Variants in FRMPD2 observed in about 807,000 individuals in gnomAD.
The protein encoded by FRMPD2 is FERM and PDZ domain-containing protein 2.
In FRMPD2, 96 loss-of-function variants were observed where a neutral mutation model predicts 140.1. The ratio of observed to expected loss-of-function variants is 0.69; its 90% CI spans 0.58 to 0.81. FRMPD2 has a LOEUF of 0.81. FRMPD2 is among the 40% of genes least tolerant of loss of function. The probability of loss-of-function intolerance (pLI) is 0.00; values close to 1 mark genes in which losing one functional copy is unlikely to be tolerated. For synonymous variants in FRMPD2, 449 were observed against 547.6 expected, an observed-to-expected ratio of 0.82 and a Z score of 2.52; for missense variants, 1,240 against 1,447.4, an observed-to-expected ratio of 0.86 and a Z score of 2.32.
chr10:48,191,234 G>A (rs553491994), intron 16 of FRMPD2, among the ~76,000 whole-genome samples: 56 of 152,260 alleles, frequency 3.7e-4, no homozygotes, highest in African/African-American at 1.3e-3. Flanking sequence ...GAGGGGCTCC[G>A]TGAGCACTGC....
intron 15 of FRMPD2, among the ~76,000 whole-genome samples, chr10:48,194,827 C>A (rs1330007910): frequency 1.3e-5 from 2 of 152,104 alleles, no homozygotes; most frequent in African/African-American, 4.8e-5. Flanking sequence ...GCCTCAGCTT[C>A]ATGGGGCTGA....
At chr10:48,256,610 A>G (rs554427507) in intron 1 of FRMPD2, among the ~76,000 whole-genome samples, 2 of 152,264 alleles carry the variant, frequency 1.3e-5, no homozygotes, top group Admixed American at 6.5e-5. Flanking sequence ...CAGAGGTTGG[A>G]CCAAGGTCTC....
chr10:48,252,382 C>T (rs1478613701), intron 1 of FRMPD2, among the ~76,000 whole-genome samples: 3 of 152,190 alleles, frequency 2.0e-5, no homozygotes, highest in African/African-American at 7.2e-5. Flanking sequence ...ACCCACTAAT[C>T]TCCAGAGACC....
chr10:48,202,606 A>C (rs1839112465), intron 14 of FRMPD2, among the ~76,000 whole-genome samples: 1 of 152,184 alleles, frequency 6.6e-6, no homozygotes, highest in Non-Finnish European at 1.5e-5. Context: ...GTGTTGTCTC[A>C]AGCATTCATA....
chr10:48,206,494 T>C (rs1270899751), intron 14 of FRMPD2, among the ~76,000 whole-genome samples: 1 of 152,146 alleles, frequency 6.6e-6, no homozygotes, highest in Non-Finnish European at 1.5e-5. Context: ...CCAATGGCTG[T>C]TCATGGGGAT....
chr10:48,237,291 A>C (rs1416888370), intron 8 of FRMPD2, among the ~76,000 whole-genome samples: 2 of 152,190 alleles, frequency 1.3e-5, no homozygotes, highest in East Asian at 3.9e-4. Context: ...AGAGTTCCCA[A>C]TAGAAGTATC....
intron 5 of FRMPD2, among the ~76,000 whole-genome samples, chr10:48,241,558 A>G (rs1329357235): frequency 6.6e-6 from 1 of 152,168 alleles, no homozygotes; most frequent in Non-Finnish European, 1.5e-5. Context: ...CCCCTCTCCC[A>G]GGAACATTTC....
intron 4 of FRMPD2, among the ~76,000 whole-genome samples, chr10:48,243,611 C>T (rs929980526): frequency 6.6e-6 from 1 of 152,196 alleles, no homozygotes; most frequent in Non-Finnish European, 1.5e-5. Context: ...CAAAGGGGAA[C>T]CAGACGGGAG....
chr10:48,207,011 C>G, intron 13 of FRMPD2, 78 bp from the exon 14 acceptor site: 1 of 1,279,252 alleles, frequency 7.8e-7, no homozygotes, highest in East Asian at 2.4e-5. Flanking sequence ...TCACTCCATG[C>G]AAAACACACT....
chr10:48,255,574 C>A (rs994773358), intron 1 of FRMPD2, among the ~76,000 whole-genome samples: 2 of 152,098 alleles, frequency 1.3e-5, no homozygotes, highest in Non-Finnish European at 2.9e-5. Flanking sequence ...AACAACCTAC[C>A]CTGAGAGTCA....
At chr10:48,168,106 T>A (rs1838147372) in intron 27 of FRMPD2, among the ~76,000 whole-genome samples, 2 of 147,070 alleles carry the variant, frequency 1.4e-5, no homozygotes, top group Non-Finnish European at 2.9e-5. Context: ...CTGTTCTATT[T>A]CTCTGAGAAC....
intron 28 of FRMPD2, chr10:48,159,253 T>C: frequency 2.2e-6 from 1 of 455,480 alleles, no homozygotes; most frequent in Non-Finnish European, 4.4e-6. Context: ...GACATCAAAG[T>C]AAACAAGTTC....
At chr10:48,177,401 G>A (rs1319699823) in intron 22 of FRMPD2, 10 of 151,244 alleles carry the variant, frequency 6.6e-5, no homozygotes, top group Admixed American at 5.3e-4. Flanking sequence ...ATGAGCCACC[G>A]AGCCCAGCCT....
At position 48,242,118 on chromosome 10, in the gene FRMPD2, A is replaced by G. The variant is rs753336631; in HGVS notation, c.567+43T>C. ...CTAATTCAAATTTTAATAGCCACAC[A>G]TGACCAGCAGCTACTGCTTGAAAAG... On this transcript the variant is annotated intron_variant, in intron 5 of 28. Transcript: ENST00000374201. The G allele has an allele frequency of 1.2e-5, 17 of 1,395,612 alleles. No homozygotes were observed. The East Asian group carries it at 3.7e-4, about 30-fold the overall frequency. The allele number at this position is 1,395,612 out of a possible 1,614,324, so 86.5% of individuals were successfully genotyped here. A position where few individuals can be genotyped will look rare whatever the true frequency, so the allele number is the denominator to read the frequency against.
In FRMPD2 at chr10:48,223,170, T is replaced by C. The variant is rs1385795442; in HGVS notation, c.1269A>G (p.Thr423=). ...CAAAGAACTTTATCCTCAGGAAGAG[T>C]GTGAAGGTATTCATGGAGGTCTTCT... ...QPQKTSMNTF[T]LFLRIKFFVS... The change falls in exon 11 of 29, where the codon ACA becomes ACG. Residue 423 remains threonine (T), a synonymous_variant. Transcript: ENST00000374201. The C allele has an allele frequency of 1.2e-6, 2 of 1,613,918 alleles. No homozygotes were observed. The highest frequency in any genetic ancestry group is 1.3e-5 in the African/African-American group (1 of 74,970).
chr10:48,258,721 C>T (rs890576509), intron 1 of FRMPD2, among the ~76,000 whole-genome samples: 14 of 152,160 alleles, frequency 9.2e-5, no homozygotes, highest in Non-Finnish European at 1.6e-4. Flanking sequence ...TTTTACATCC[C>T]GTTTTCCCAG....
chr10:48,201,865 G>T (rs1588826600), intron 14 of FRMPD2, among the ~76,000 whole-genome samples: 1 of 152,044 alleles, frequency 6.6e-6, no homozygotes, highest in East Asian at 1.9e-4. Context: ...TGCTTTATGA[G>T]TATGAATTTA....
intron 10 of FRMPD2, among the ~76,000 whole-genome samples, chr10:48,230,067 T>A (rs1461580095): frequency 6.6e-6 from 1 of 152,168 alleles, no homozygotes; most frequent in Non-Finnish European, 1.5e-5. Flanking sequence ...GAATAATGGG[T>A]TTTTATAATT....
Position 48,237,984 on chromosome 10 carries a change from T to G in FRMPD2, c.921+7A>C, listed in dbSNP as rs1318971619. Reference sequence around the variant, plus strand: ...TGAGGAGTGTCCTTCAGCCTTATTTTGCTTACCTTGCTCCTTCTTTGCAGA... The same window carrying G: ...TGAGGAGTGTCCTTCAGCCTTATTTGGCTTACCTTGCTCCTTCTTTGCAGA... On this transcript the variant is annotated splice_region_variant and intron_variant, in intron 8 of 28. Coordinates refer to ENST00000374201, the MANE Select transcript of FRMPD2 (RefSeq NM_001018071.4). 6.2e-7 allele frequency: 1 copy of G among 1,614,204 alleles called. No individual in the cohort carries two copies. Among genetic ancestry groups the G allele is most frequent in the Non-Finnish European group, 8.5e-7 (1 of 1,180,040 alleles).
Sources: gnomAD v4.1 joint callset for allele counts (sites outside exome capture counted in the v4.1 genomes callset) on GRCh38, gnomAD v4.1.1 for gene constraint, MANE v1.5 for transcripts, NCBI Gene and HGNC (gene_info 2026-07-23, HGNC 2026-07-21) for gene names.